KCND2: variants seen among roughly 807,000 people sequenced by gnomAD.
KCND2 encodes the protein A-type voltage-gated potassium channel KCND2.
In KCND2, 16 loss-of-function variants were observed where a neutral mutation model predicts 54.4. That is an observed-to-expected ratio of 0.29 (90% CI 0.20 to 0.45). The LOEUF is 0.45. Ranked by LOEUF, KCND2 falls within the 20% of genes least tolerant of loss-of-function variation. KCND2 has a pLI of 1.00. For missense variants in KCND2, 486 were observed against 824.2 expected, an observed-to-expected ratio of 0.59 and a Z score of 5.02; for synonymous variants, 317 against 310.7, an observed-to-expected ratio of 1.02 and a Z score of -0.21.
chr7:120,583,167 T>A (rs959920145), intron 1 of KCND2, among the ~76,000 whole-genome samples: 1 of 152,142 alleles, frequency 6.6e-6, no homozygotes, highest in Non-Finnish European at 1.5e-5. Flanking sequence ...GGAGCATGGA[T>A]AAGGAATACA....
chr7:120,305,313 T>G (rs1375299848), intron 1 of KCND2, among the ~76,000 whole-genome samples: 1 of 152,174 alleles, frequency 6.6e-6, no homozygotes, highest in Non-Finnish European at 1.5e-5. Flanking sequence ...TTTTTTCTTG[T>G]GGGCCTAGCT....
intron 1 of KCND2, among the ~76,000 whole-genome samples, chr7:120,595,411 A>G (rs1482613490): frequency 1.3e-5 from 2 of 148,804 alleles, no homozygotes; most frequent in South Asian, 2.1e-4. Flanking sequence ...AGATTGCACC[A>G]CTGCACTCCA....
At chr7:120,369,624 G>T (rs569549853) in intron 1 of KCND2, among the ~76,000 whole-genome samples, 1 of 151,986 alleles carries the variant, frequency 6.6e-6, no homozygotes, top group Non-Finnish European at 1.5e-5. Context: ...TCATCATTTG[G>T]GCTTTATTTA....
intron 1 of KCND2, among the ~76,000 whole-genome samples, chr7:120,611,893 T>C (rs1792960685): frequency 6.6e-6 from 1 of 152,198 alleles, no homozygotes; most frequent in Admixed American, 6.6e-5. Flanking sequence ...AATCTTTGGC[T>C]CATGGTGTTT....
At chr7:120,479,833 G>A (rs1802579614) in intron 1 of KCND2, among the ~76,000 whole-genome samples, 1 of 149,074 alleles carries the variant, frequency 6.7e-6, no homozygotes, top group African/African-American at 2.5e-5. Context: ...GCCTGGTGTG[G>A]TGGCACGTAC....
chr7:120,360,431 T>G (rs17376373), intron 1 of KCND2, among the ~76,000 whole-genome samples: 30,555 of 151,960 alleles, frequency 0.2, 3,894 homozygotes, highest in Non-Finnish European at 0.28. Context: ...GCCATGCTCT[T>G]ATCACATCAT....
chr7:120,749,411 C>T lies in KCND2; in HGVS notation c.*1553C>T, dbSNP rs755935519. The T allele has an allele frequency of 1.8e-4, 27 of 152,362 alleles. No homozygotes were observed. Among genetic ancestry groups the T allele is most frequent in the Admixed American group, 6.6e-4 (10 of 15,244 alleles). The allele number at this position is 152,362 out of a possible 1,614,324, so 9.4% of individuals were successfully genotyped here. A position where few individuals can be genotyped will look rare whatever the true frequency, so the allele number is the denominator to read the frequency against. Reference sequence around the variant, plus strand: ...AAATATTTCAGCAGACATGTCTGCACATGACAGTGTAAAAAAGTTTAATGT... The same window carrying T: ...AAATATTTCAGCAGACATGTCTGCATATGACAGTGTAAAAAAGTTTAATGT... On this transcript the variant is annotated 3_prime_UTR_variant, in exon 6 of 6. Transcript: ENST00000331113.
intron 1 of KCND2, among the ~76,000 whole-genome samples, chr7:120,399,735 TATTC>T (rs1554435626): frequency 2.7e-5 from 4 of 148,018 alleles, no homozygotes; most frequent in Non-Finnish European, 4.5e-5. Flanking sequence ...TTTATTTATT[TATTC>T]ATTTGAAACA....
At chr7:120,291,930 T>C (rs1799441375) in intron 1 of KCND2, among the ~76,000 whole-genome samples, 1 of 151,838 alleles carries the variant, frequency 6.6e-6, no homozygotes, top group Non-Finnish European at 1.5e-5. Flanking sequence ...AAATCCTCCT[T>C]TCCTTCTTTT....
chr7:120,591,620 C>G (rs529878195), intron 1 of KCND2, among the ~76,000 whole-genome samples: 1 of 152,286 alleles, frequency 6.6e-6, no homozygotes, highest in East Asian at 1.9e-4. Flanking sequence ...CCATGCTCAA[C>G]CTTATACTTT....
intron 1 of KCND2, among the ~76,000 whole-genome samples, chr7:120,542,422 T>C (rs1791989928): frequency 6.6e-6 from 1 of 152,172 alleles, no homozygotes; most frequent in Non-Finnish European, 1.5e-5. Flanking sequence ...ATTTTATTCT[T>C]CTCCAAGTGT....
chr7:120,692,209 A>G (rs2084475079), intron 1 of KCND2, among the ~76,000 whole-genome samples: 1 of 152,240 alleles, frequency 6.6e-6, no homozygotes, highest in South Asian at 2.1e-4. Context: ...TTGTTTGGTG[A>G]TGGGCAGTGA....
At chr7:120,550,550 G>T (rs1286220096) in intron 1 of KCND2, among the ~76,000 whole-genome samples, 2 of 152,082 alleles carry the variant, frequency 1.3e-5, no homozygotes, top group East Asian at 3.9e-4. Context: ...TCTAAATAGT[G>T]CTTGATGTTA....
At chr7:120,585,576 T>C (rs1792587512) in intron 1 of KCND2, among the ~76,000 whole-genome samples, 1 of 151,952 alleles carries the variant, frequency 6.6e-6, no homozygotes, top group Non-Finnish European at 1.5e-5. Flanking sequence ...GCACCATACA[T>C]TAAGTAGGTC....
At chr7:120,381,554 C>A (rs907087758) in intron 1 of KCND2, among the ~76,000 whole-genome samples, 3 of 151,934 alleles carry the variant, frequency 2.0e-5, no homozygotes, top group Admixed American at 1.3e-4. Context: ...CAAAAGAAAG[C>A]CTTTTTGGCA....
intron 1 of KCND2, among the ~76,000 whole-genome samples, chr7:120,386,439 A>T (rs1800989102): frequency 6.6e-6 from 1 of 151,762 alleles, no homozygotes; most frequent in African/African-American, 2.4e-5. Context: ...CTCAACAGAC[A>T]TTTTTTTTGT....
chr7:120,438,236 C>G (rs1023086390), intron 1 of KCND2, among the ~76,000 whole-genome samples: 17 of 152,160 alleles, frequency 1.1e-4, no homozygotes, highest in African/African-American at 4.1e-4. Flanking sequence ...AATCTCACAA[C>G]ATAGATAGTA....
intron 1 of KCND2, among the ~76,000 whole-genome samples, chr7:120,434,229 A>G (rs2116172402): frequency 6.6e-6 from 1 of 152,340 alleles, no homozygotes; most frequent in African/African-American, 2.4e-5. Context: ...TATGAGGCCA[A>G]ACTTCCTAAG....
intron 1 of KCND2, among the ~76,000 whole-genome samples, chr7:120,618,806 T>G (rs552921540): frequency 1.3e-5 from 2 of 152,320 alleles, no homozygotes; most frequent in East Asian, 3.9e-4. Context: ...CATTGTGATA[T>G]TCAGTGTACT....
Sources: gnomAD v4.1 joint callset for allele counts (sites outside exome capture counted in the v4.1 genomes callset) on GRCh38, gnomAD v4.1.1 for gene constraint, MANE v1.5 for transcripts, NCBI Gene and HGNC (gene_info 2026-07-23, HGNC 2026-07-21) for gene names.